The following NLGN4X variants were observed in gnomAD, a reference collection of about 807,000 sequenced individuals.
The protein encoded by NLGN4X is neuroligin 4 X-linked.
In NLGN4X, 3 loss-of-function variants were observed where a neutral mutation model predicts 40.3. The observed-to-expected ratio is 0.07, with a 90% CI of 0.03 to 0.19. NLGN4X has a LOEUF of 0.19. Ranked by LOEUF, NLGN4X falls within the 10% of genes least tolerant of loss-of-function variation. The pLI, the probability that NLGN4X is intolerant of heterozygous loss-of-function variation, is 1.00. For synonymous variants in NLGN4X, 270 were observed against 306.8 expected (o/e 0.88, Z 1.25); for missense variants, 382 against 708.3 (o/e 0.54, Z 5.23).
At chrX:6,083,238 G>A (rs375168349) in intron 2 of NLGN4X, among the ~76,000 whole-genome samples, 12 of 109,415 alleles carry the variant, frequency 1.1e-4, no homozygotes, top group South Asian at 3.9e-4. Context: ...GATTACAGGC[G>A]TGAGCCACCG....
At chrX:5,897,317 T>A (rs997824251) in intron 5 of NLGN4X, among the ~76,000 whole-genome samples, 1 of 111,883 alleles carries the variant, frequency 8.9e-6, no homozygotes, top group South Asian at 3.7e-4. Context: ...GAATCCTGGA[T>A]CACTGAGCAC....
At chrX:5,930,523 T>C (rs1442699070) in intron 3 of NLGN4X, among the ~76,000 whole-genome samples, 1 of 112,289 alleles carries the variant, frequency 8.9e-6, no homozygotes, top group Non-Finnish European at 1.9e-5. Context: ...TCCTGGTAGA[T>C]TGCATGGATC....
intron 2 of NLGN4X, among the ~76,000 whole-genome samples, chrX:6,051,825 G>A (rs2037500508): frequency 9.0e-6 from 1 of 111,242 alleles, no homozygotes; most frequent in Admixed American, 9.6e-5. Flanking sequence ...ATCCCAGGAA[G>A]TTGAATTTGA....
intron 3 of NLGN4X, among the ~76,000 whole-genome samples, chrX:6,027,999 TAG>T (rs1337255342): frequency 9.1e-6 from 1 of 109,990 alleles, no homozygotes; most frequent in African/African-American, 3.3e-5. Context: ...GTATTTTTAG[TAG>T]AGACAGGGTT....
At chrX:5,968,455 C>CTGTGTGTG (rs1387073890) in intron 3 of NLGN4X, among the ~76,000 whole-genome samples, 2 of 27,645 alleles carry the variant, frequency 7.2e-5, no homozygotes, top group African/African-American at 2.5e-4. Context: ...CTCTCTCTCT[C>CTGTGTGTG]TCTGTGTGTG....
intron 5 of NLGN4X, among the ~76,000 whole-genome samples, chrX:5,898,089 C>A (rs1466453683): frequency 1.2e-5 from 1 of 83,487 alleles, no homozygotes; most frequent in Non-Finnish European, 2.4e-5. Flanking sequence ...TTCCTCTCTT[C>A]TTTCTCCCTT....
chrX:6,050,860 T>G (rs1490470992), intron 2 of NLGN4X, among the ~76,000 whole-genome samples: 1 of 111,632 alleles, frequency 9.0e-6, no homozygotes, highest in Non-Finnish European at 1.9e-5. Flanking sequence ...TATCTCCTGG[T>G]GACCCCATCT....
intron 5 of NLGN4X, among the ~76,000 whole-genome samples, chrX:5,894,897 G>A (rs1243255082): frequency 4.4e-5 from 5 of 112,387 alleles, no homozygotes; most frequent in East Asian, 2.8e-4. Flanking sequence ...GCAGAACCAG[G>A]CAAGCAGGGA....
intron 1 of NLGN4X, among the ~76,000 whole-genome samples, chrX:6,220,479 A>G (rs1319443461): frequency 9.4e-6 from 1 of 106,460 alleles, no homozygotes; most frequent in Non-Finnish European, 1.9e-5. Flanking sequence ...AGTACACAAC[A>G]TTGCACAATA....
intron 1 of NLGN4X, among the ~76,000 whole-genome samples, chrX:6,171,236 CA>C (rs2040600063): frequency 8.9e-6 from 1 of 112,290 alleles, no homozygotes; most frequent in Non-Finnish European, 1.9e-5. Context: ...CTGGAGACAA[CA>C]ACAACTTCAC....
chrX:6,074,375 T>G (rs1447735772), intron 2 of NLGN4X, among the ~76,000 whole-genome samples: 1 of 111,224 alleles, frequency 9.0e-6, no homozygotes, highest in Non-Finnish European at 1.9e-5. Flanking sequence ...AAGCCTGAGG[T>G]GGGGTGGTAT....
chrX:6,207,371 G>A (rs1240737012), intron 1 of NLGN4X, among the ~76,000 whole-genome samples: 1 of 111,697 alleles, frequency 9.0e-6, no homozygotes, highest in Non-Finnish European at 1.9e-5. Flanking sequence ...TCCTATAATT[G>A]GCTGGAGCCT....
chrX:5,902,930 G>T, intron 5 of NLGN4X, 147 bp downstream of exon 5: 1 of 648,704 alleles, frequency 1.5e-6, no homozygotes, highest in Non-Finnish European at 2.5e-6. Flanking sequence ...GTGTGTGTAA[G>T]CGTGTGTCTG....
At chrX:6,102,639 G>T (rs868246541) in intron 2 of NLGN4X, among the ~76,000 whole-genome samples, 1 of 61,519 alleles carries the variant, frequency 1.6e-5, no homozygotes, top group Non-Finnish European at 3.2e-5. Flanking sequence ...AGGATTGATA[G>T]ATATATACAT....
chrX:6,226,058 G>C, intron 1 of NLGN4X, among the ~76,000 whole-genome samples: 1 of 89,100 alleles, frequency 1.1e-5, no homozygotes, highest in Non-Finnish European at 2.1e-5. Flanking sequence ...ATGACAGATC[G>C]GGATCCTCTG....
rs150555091 is a variant in NLGN4X at position 5,953,795 on chromosome X, C to T, written c.626-44556G>A. ...ATATGCATCGTGTTCATACAAGCAG[C>T]AAAAAGATGTTGGAATATTTGGCCT... On this transcript the variant is annotated intron_variant, in intron 3 of 5. Coordinates refer to ENST00000381095, the MANE Select transcript of NLGN4X (RefSeq NM_181332.3). 2.3e-3 allele frequency among the ~76,000 whole-genome samples: 262 copies of T among 111,864 alleles called. 1 individual carries two copies. Among genetic ancestry groups the T allele is most frequent in the African/African-American group, 8.3e-3 (255 of 30,808 alleles).
At chrX:6,162,825 T>C (rs1190230064) in intron 1 of NLGN4X, among the ~76,000 whole-genome samples, 1 of 111,720 alleles carries the variant, frequency 9.0e-6, no homozygotes, top group Admixed American at 9.6e-5. Flanking sequence ...TACAAGAGTA[T>C]ATGAATATAC....
chrX:6,097,820 G>A (rs778974950), intron 2 of NLGN4X, among the ~76,000 whole-genome samples: 9 of 110,734 alleles, frequency 8.1e-5, no homozygotes, highest in African/African-American at 3.0e-4. Context: ...AAAATAACAC[G>A]TCCTCAAATC....
chrX:6,210,707 T>C (rs1314150336), intron 1 of NLGN4X, among the ~76,000 whole-genome samples: 1 of 112,117 alleles, frequency 8.9e-6, no homozygotes, highest in Non-Finnish European at 1.9e-5. Context: ...CCCACTTTCA[T>C]GTAGAGTAAA....
Sources: allele counts gnomAD v4.1 joint callset (sites outside exome capture counted in the v4.1 genomes callset), GRCh38; gene constraint gnomAD v4.1.1; transcripts MANE v1.5; gene names NCBI Gene and HGNC (gene_info 2026-07-23, HGNC 2026-07-21).